The following CCDC178 variants were observed in gnomAD, a reference collection of about 807,000 sequenced individuals.
CCDC178 encodes coiled-coil domain-containing protein 178.
CCDC178 carries 126 observed loss-of-function variants against 117.4 expected under a neutral mutation model. The observed-to-expected ratio is 1.07, with a 90% confidence interval of 0.93 to 1.24. The LOEUF (loss-of-function observed/expected upper bound fraction) is 1.24. CCDC178 is among the 50% of genes most tolerant of loss of function. The pLI, the probability that CCDC178 is intolerant of heterozygous loss-of-function variation, is 0.00. For synonymous variants in CCDC178, 283 were observed against 313.4 expected (o/e 0.90, Z 1.02); for missense variants, 1,030 against 986.9 (o/e 1.04, Z -0.59).
chr18:32,970,694 G>T (rs774199663), intron 22 of CCDC178, among the ~76,000 whole-genome samples: 16 of 151,794 alleles, frequency 1.1e-4, no homozygotes, highest in Non-Finnish European at 2.1e-4. Flanking sequence ...ATAGACATAG[G>T]GTATTATCAA....
At position 33,187,354 on chromosome 18, in the gene CCDC178, T is replaced by C. The variant is rs1271057306; in HGVS notation, c.2238+24542A>G. ...TGACTCCATATTCAGTTCATCTTCATCTGTAGCCTCTTTTTGCAATAGATG... is the reference window on the plus strand; with the variant it reads ...TGACTCCATATTCAGTTCATCTTCACCTGTAGCCTCTTTTTGCAATAGATG... On this transcript the variant is annotated intron_variant, in intron 20 of 22. Coordinates refer to ENST00000383096, the MANE Select transcript of CCDC178 (RefSeq NM_001105528.4). Among the ~76,000 whole-genome samples, 6 of 152,050 alleles carry C rather than the reference T, an allele frequency of 3.9e-5. No homozygotes were observed. The East Asian group carries it at 1.2e-3, about 29-fold the overall frequency.
intron 20 of CCDC178, among the ~76,000 whole-genome samples, chr18:33,129,360 AT>A (rs1300065214): frequency 1.3e-5 from 2 of 152,132 alleles, no homozygotes; most frequent in African/African-American, 4.8e-5. Flanking sequence ...ACTCCCTATT[AT>A]GATGTTTTAG....
intron 20 of CCDC178, among the ~76,000 whole-genome samples, chr18:33,130,791 G>A (rs1439753751): frequency 6.6e-6 from 1 of 151,926 alleles, no homozygotes; most frequent in African/African-American, 2.4e-5. Context: ...ACAGGTAGGT[G>A]ACATAGGCAG....
rs145671341 is a variant in CCDC178, at chr18:33,025,702, C to T, written c.2389-51021G>A. On this transcript the variant is annotated intron_variant, in intron 21 of 22. Transcript: ENST00000383096. The stretch of plus-strand genomic sequence containing the variant: ...TAAAACCCCTACATATCTAACAAAA[C>T]GGCTAAAACAAAAATAATGAGAACA... 9.1e-4 allele frequency among the ~76,000 whole-genome samples: 139 copies of T among 152,050 alleles called. 1 individual carries two copies. The highest frequency in any genetic ancestry group is 6.6e-4 in the Non-Finnish European group (45 of 67,942).
chr18:33,013,098 C>T (rs560985946), intron 21 of CCDC178, among the ~76,000 whole-genome samples: 1 of 152,254 alleles, frequency 6.6e-6, no homozygotes, highest in Admixed American at 6.5e-5. Context: ...TAGGATTTCA[C>T]TTATAATCTC....
rs185866688 is a variant in CCDC178, at chr18:33,392,547, A to T, written c.119-2918T>A. Among the ~76,000 whole-genome samples, 377 of 152,330 alleles carry T rather than the reference A, an allele frequency of 2.5e-3. 1 individual carries two copies. The highest frequency in any genetic ancestry group is 8.5e-3 in the African/African-American group (355 of 41,586). ...TATGTCCAGAGTATTAAAAGAATAA[A>T]GTTTCTACAATCAAATTCTTGTGTA... On this transcript the variant is annotated intron_variant, in intron 4 of 22. Coordinates refer to ENST00000383096, the MANE Select transcript of CCDC178 (RefSeq NM_001105528.4).
intron 21 of CCDC178, among the ~76,000 whole-genome samples, chr18:33,015,734 TAACTTA>T (rs2055974408): frequency 6.6e-6 from 1 of 151,776 alleles, no homozygotes; most frequent in Non-Finnish European, 1.5e-5. Context: ...CAAAGAAATC[TAACTTA>T]AAGAACTGAA....
intron 18 of CCDC178, among the ~76,000 whole-genome samples, chr18:33,219,673 G>C (rs1412624121): frequency 6.6e-6 from 1 of 151,924 alleles, no homozygotes; most frequent in Middle Eastern, 3.2e-3. Context: ...ACTATCACAA[G>C]GACAGAAAAC....
intron 14 of CCDC178, among the ~76,000 whole-genome samples, chr18:33,256,076 G>T (rs1299709133): frequency 2.0e-5 from 3 of 151,400 alleles, no homozygotes; most frequent in African/African-American, 7.3e-5. Flanking sequence ...GGTAGCATGG[G>T]ATTTAAGAAG....
intron 14 of CCDC178, among the ~76,000 whole-genome samples, chr18:33,261,237 C>A (rs939373743): frequency 1.3e-5 from 2 of 152,170 alleles, no homozygotes; most frequent in Non-Finnish European, 2.9e-5. Flanking sequence ...GCGCCCGCCA[C>A]CACGCCCGGC....
chr18:33,073,396 C>T (rs993489837), intron 21 of CCDC178, among the ~76,000 whole-genome samples: 12 of 152,122 alleles, frequency 7.9e-5, no homozygotes, highest in Admixed American at 7.2e-4. Context: ...TAAAAGGTTG[C>T]ATAATACTCC....
chr18:33,030,532 G>GATAGATAC (rs1230971318), intron 21 of CCDC178, among the ~76,000 whole-genome samples: 36 of 151,334 alleles, frequency 2.4e-4, no homozygotes, highest in African/African-American at 5.8e-4. Context: ...AAGATAGATA[G>GATAGATAC]ATAGATAGAT....
At chr18:33,106,216 C>T (rs900830563) in intron 20 of CCDC178, among the ~76,000 whole-genome samples, 16 of 151,564 alleles carry the variant, frequency 1.1e-4, no homozygotes, top group African/African-American at 3.1e-4. Flanking sequence ...GAACAAGTGC[C>T]CTTTCCTACA....
At chr18:32,983,142 A>G (rs1212428722) in intron 21 of CCDC178, 3 of 507,714 alleles carry the variant, frequency 5.9e-6, no homozygotes, top group Non-Finnish European at 6.8e-6. Flanking sequence ...AAAATCTAAA[A>G]AAAAAAAAAC....
chr18:33,370,820 G>A (rs1428473574), intron 5 of CCDC178, among the ~76,000 whole-genome samples: 2 of 151,948 alleles, frequency 1.3e-5, no homozygotes, highest in Admixed American at 6.6e-5. Flanking sequence ...CACTCAGTCC[G>A]ATGTGCCTCA....
chr18:33,108,579 AAATTT>A (rs1194344278), intron 20 of CCDC178, among the ~76,000 whole-genome samples: 1 of 151,634 alleles, frequency 6.6e-6, no homozygotes, highest in East Asian at 1.9e-4. Flanking sequence ...CCCTTAAAAT[AAATTT>A]ATTTATTCAC....
chr18:33,374,219 C>T (rs1273349007), intron 5 of CCDC178, among the ~76,000 whole-genome samples: 1 of 152,140 alleles, frequency 6.6e-6, no homozygotes, highest in East Asian at 1.9e-4. Context: ...CAGAAACCCA[C>T]GTGGGAGGCC....
At chr18:33,368,656 G>A (rs750515357) in intron 6 of CCDC178, among the ~76,000 whole-genome samples, 2 of 151,768 alleles carry the variant, frequency 1.3e-5, no homozygotes, top group Non-Finnish European at 2.9e-5. Context: ...ACAGACAGAG[G>A]GTGTGTGAAT....
At chr18:33,164,203 G>A (rs923917302) in intron 20 of CCDC178, among the ~76,000 whole-genome samples, 1 of 149,064 alleles carries the variant, frequency 6.7e-6, no homozygotes, top group Non-Finnish European at 1.5e-5. Flanking sequence ...CACCTCCCAG[G>A]TTTAAACAAT....
Sources: gnomAD v4.1 joint callset for allele counts (sites outside exome capture counted in the v4.1 genomes callset) on GRCh38, gnomAD v4.1.1 for gene constraint, MANE v1.5 for transcripts, NCBI Gene and HGNC (gene_info 2026-07-23, HGNC 2026-07-21) for gene names.